Variants in HAPLN3 observed in about 807,000 individuals in gnomAD.
HAPLN3 encodes hyaluronan and proteoglycan link protein 3.
In HAPLN3, 28 loss-of-function variants were observed where a neutral mutation model predicts 28.1. The ratio of observed to expected loss-of-function variants is 1.00; its 90% CI spans 0.74 to 1.37. The LOEUF (loss-of-function observed/expected upper bound fraction) is 1.37. HAPLN3 is among the 40% of genes most tolerant of loss of function. HAPLN3 has a pLI of 0.00. For missense variants in HAPLN3, 513 were observed against 504.6 expected (o/e 1.02, Z -0.16); for synonymous variants, 211 against 213.1 (o/e 0.99, Z 0.09).
intron 2 of HAPLN3, among the ~76,000 whole-genome samples, chr15:88,882,939 A>C (rs1180805653): frequency 6.6e-6 from 1 of 152,168 alleles, no homozygotes; most frequent in Non-Finnish European, 1.5e-5. Flanking sequence ...CCAGAAGTCA[A>C]GGCTGCAGTG....
In HAPLN3 at chr15:88,879,733, C is replaced by T. The variant is rs1452296358; in HGVS notation, c.494-464G>A. The T allele has an allele frequency of 8.5e-7, 1 of 1,174,858 alleles. No homozygotes were observed. Among genetic ancestry groups the T allele is most frequent in the Non-Finnish European group, 1.1e-6 (1 of 935,324 alleles). The allele number at this position is 1,174,858 out of a possible 1,614,324, so 72.8% of individuals were successfully genotyped here. ...CTTTCCACGTGTGGCAGATGATTTTCAGGAGAAGGAGAGGCCCTAGAGGCC... is the reference window on the plus strand; with the variant it reads ...CTTTCCACGTGTGGCAGATGATTTTTAGGAGAAGGAGAGGCCCTAGAGGCC... On this transcript the variant is annotated intron_variant, in intron 3 of 4. Transcript: ENST00000359595. This position sits in a 1 kb window ranked among gnomAD's most constrained non-coding sequence, Gnocchi z 5.0.
At position 88,879,373 on chromosome 15, in the gene HAPLN3, C is replaced by T; in HGVS notation, c.494-104G>A. On this transcript the variant is annotated intron_variant, in intron 3 of 4. Coordinates refer to ENST00000359595, the MANE Select transcript of HAPLN3 (RefSeq NM_178232.4). This position sits in a 1 kb window ranked among gnomAD's most constrained non-coding sequence, Gnocchi z 5.0. ...ACTGGGACATGTGCTGCCTGCAACA[C>T]ACACACATACACCATCCCTCAGAAA... The T allele has an allele frequency of 6.4e-7, 1 of 1,564,914 alleles. No individual in the cohort carries two copies. Among genetic ancestry groups the T allele is most frequent in the African/African-American group, 1.4e-5 (1 of 74,002 alleles).
At chr15:88,894,708 G>C (rs1481393200) in intron 1 of HAPLN3, among the ~76,000 whole-genome samples, 1 of 152,200 alleles carries the variant, frequency 6.6e-6, no homozygotes, top group Non-Finnish European at 1.5e-5. Context: ...GTCCCAACAG[G>C]TTTACAGGCT....
In HAPLN3 at chr15:88,879,904, A is replaced by T; in HGVS notation, c.494-635T>A. 9.9e-7 allele frequency: 1 copy of T among 1,013,498 alleles called. No homozygotes were observed. Among genetic ancestry groups the T allele is most frequent in the Non-Finnish European group, 1.2e-6 (1 of 846,778 alleles). 62.8% of individuals were successfully genotyped at this position (1,013,498 alleles called of 1,614,324 possible). Reference sequence around the variant, plus strand: ...ATGTTCGTGTTTGAAATTTTACTCTAATAAAAAGTTTTTAAACTTCTGAGA... The same window carrying T: ...ATGTTCGTGTTTGAAATTTTACTCTTATAAAAAGTTTTTAAACTTCTGAGA... On this transcript the variant is annotated intron_variant, in intron 3 of 4. Transcript: ENST00000359595. This position sits in a 1 kb window ranked among gnomAD's most constrained non-coding sequence, Gnocchi z 5.0.
At position 88,887,793 on chromosome 15, in the gene HAPLN3, G is replaced by A. The variant is rs542612205; in HGVS notation, c.-47-448C>T. On this transcript the variant is annotated intron_variant, in intron 1 of 4. Transcript: ENST00000359595. Reference sequence around the variant, plus strand: ...AGCCTGGCCAACATGGAGAAACCCCGTCTCTACTAAAAATACAAAATTAGC... The same window carrying A: ...AGCCTGGCCAACATGGAGAAACCCCATCTCTACTAAAAATACAAAATTAGC... Among the ~76,000 whole-genome samples, 46 of 151,972 alleles carry A rather than the reference G, an allele frequency of 3.0e-4. No individual in the cohort carries two copies. In the South Asian group the frequency reaches 6.0e-3, roughly 20 times the overall value.
chr15:88,894,446 A>G (rs889156339), intron 1 of HAPLN3, among the ~76,000 whole-genome samples: 2 of 152,192 alleles, frequency 1.3e-5, no homozygotes, highest in African/African-American at 4.8e-5. Context: ...AGGTACCAGC[A>G]GGAGGCAGCA....
Position 88,879,087 on chromosome 15 carries a change from T to G in HAPLN3, c.676A>C (p.Ile226Leu). 6.2e-7 allele frequency: 1 copy of G among 1,610,728 alleles called. No homozygotes were observed. Among genetic ancestry groups the G allele is most frequent in the South Asian group, 1.1e-5 (1 of 90,754 alleles). The stretch of plus-strand genomic sequence containing the variant: ...CCGCAGGGCTGCCGGGGCAACATGA[T>G]GGGGTACTGCACCGTGGCATCCTGC... ...WLQDATVQYP[I>L]MLPRQPCGGP... is the part of the protein sequence containing the mutation. Residue 226 changes from isoleucine to leucine, a missense_variant, in exon 4 of 5, where the codon ATC (isoleucine) becomes CTC (leucine). Physicochemically the swap from Ile to Leu is conservative, Grantham distance 5. Transcript: ENST00000359595. The surrounding 1 kb of genome is among the most constrained non-coding windows in gnomAD (Gnocchi z 5.0).
At chr15:88,885,457 T>A (rs1250382542) in intron 2 of HAPLN3, among the ~76,000 whole-genome samples, 2 of 114,990 alleles carry the variant, frequency 1.7e-5, no homozygotes, top group Non-Finnish European at 3.6e-5. Context: ...TTGTTTTTTG[T>A]GTTTTTTTTT....
In HAPLN3 at chr15:88,889,343, G is replaced by GTT. The variant is rs112364208; in HGVS notation, c.-47-2000_-47-1999dup. ...CAGGCCCAGAAGCATATCCTGTTTTGTTTTTTTTTAAAGATAGAATCTCAC... is the reference window on the plus strand; with the variant it reads ...CAGGCCCAGAAGCATATCCTGTTTTGTTTTTTTTTTTAAAGATAGAATCTCAC... On this transcript the variant is annotated intron_variant, in intron 1 of 4. Transcript: ENST00000359595. 1.7e-4 allele frequency among the ~76,000 whole-genome samples: 25 copies of GTT among 151,168 alleles called. No individual in the cohort carries two copies. The Middle Eastern group carries it at 0.014, about 83-fold the overall frequency.
chr15:88,878,956 A>G lies in HAPLN3; in HGVS notation c.796+11T>C, dbSNP rs1567198892. 4 of 1,600,764 alleles carry G rather than the reference A, an allele frequency of 2.5e-6. No homozygotes were observed. The highest frequency in any genetic ancestry group is 1.7e-4 in the Middle Eastern group (1 of 6,056). ...CAAACCCACAGGCCCGCGCTTGGCT[A>G]TTCCACTCACCCTTGAGGGCAGTAG... is the stretch of plus-strand genomic sequence containing the variant. On this transcript the variant is annotated intron_variant, in intron 4 of 4. Coordinates refer to ENST00000359595, the MANE Select transcript of HAPLN3 (RefSeq NM_178232.4).
At position 88,879,069 on chromosome 15, in the gene HAPLN3, G is replaced by T; in HGVS notation, c.694C>A (p.Pro232Thr). The change falls in exon 4 of 5, where the codon CCC (proline) becomes ACC (threonine). Residue 232 changes from proline (P) to threonine (T), a missense_variant. Physicochemically the swap from Pro to Thr is conservative, Grantham distance 38 (BLOSUM62 -1). Transcript: ENST00000359595. The surrounding 1 kb of genome is among the most constrained non-coding windows in gnomAD (Gnocchi z 5.0). ...VQYPIMLPRQ[P>T]CGGPGLAPGV... ...GGTGCCAGGCCCGGGCCACCGCAGG[G>T]CTGCCGGGGCAACATGATGGGGTAC... 2 of 1,607,714 alleles carry T rather than the reference G, an allele frequency of 1.2e-6. No homozygotes were observed. The highest frequency in any genetic ancestry group is 1.7e-6 in the Non-Finnish European group (2 of 1,177,258).
At position 88,877,996 on chromosome 15, in the gene HAPLN3, C is replaced by G. The variant is rs769012368; in HGVS notation, c.1057G>C (p.Gly353Arg). The G allele has an allele frequency of 6.8e-6, 11 of 1,612,126 alleles. No homozygotes were observed. In the Admixed American group the frequency reaches 1.8e-4, roughly 27 times the overall value. The change falls in exon 5 of 5, where the codon GGT becomes CGT. Residue 353 changes from glycine (G) to arginine (R), a missense_variant. Coordinates refer to ENST00000359595, the MANE Select transcript of HAPLN3 (RefSeq NM_178232.4). This position sits in a 1 kb window ranked among gnomAD's most constrained non-coding sequence, Gnocchi z 5.1. ...GFPDPQSRLY[G>R]VYCYRQH ...TAGTGCTGGCGGTAGCAGTAAACAC[C>G]GTACAAGCGGCTCTGCGGGTCGGGG...
Position 88,880,188 on chromosome 15 carries a change from C to T in HAPLN3, c.494-919G>A. The T allele has an allele frequency of 3.0e-6, 3 of 995,086 alleles. No homozygotes were observed. Among genetic ancestry groups the T allele is most frequent in the Non-Finnish European group, 3.6e-6 (3 of 836,292 alleles). The allele number at this position is 995,086 out of a possible 1,614,324, so 61.6% of individuals were successfully genotyped here. On this transcript the variant is annotated intron_variant, in intron 3 of 4. Transcript: ENST00000359595. The surrounding 1 kb of genome is among the most constrained non-coding windows in gnomAD (Gnocchi z 6.0). ...GACTATTTCATGCCTGGTTCCACCC[C>T]AAATTCCTAGCCCTTGAAGCCCCGG...
intron 1 of HAPLN3, among the ~76,000 whole-genome samples, chr15:88,889,912 C>T (rs1219966611): frequency 6.9e-6 from 1 of 144,436 alleles, no homozygotes; most frequent in Admixed American, 7.5e-5. Context: ...TGCCTGTGTA[C>T]AGGACCCAGA....
rs1376240464 is a variant in HAPLN3 at position 88,879,216 on chromosome 15, C to T, written c.547G>A (p.Glu183Lys). The T allele has an allele frequency of 4.3e-6, 7 of 1,611,798 alleles. No individual in the cohort carries two copies. Among genetic ancestry groups the T allele is most frequent in the Admixed American group, 1.7e-5 (1 of 59,802 alleles). The change falls in exon 4 of 5, where the codon GAG becomes AAG. Residue 183 changes from glutamate to lysine, a missense_variant. Physicochemically the swap from Glu to Lys is moderately conservative, Grantham distance 56. Coordinates refer to ENST00000359595, the MANE Select transcript of HAPLN3 (RefSeq NM_178232.4). This position sits in a 1 kb window ranked among gnomAD's most constrained non-coding sequence, Gnocchi z 5.0. ...TGCTCTGCACAGACCTGCTGGCCCT[C>T]GTGGAAGTTGAACTGGTAGCGCCCG... Reference protein sequence around the residue: ...PNGRYQFNFHEGQQVCAEQAA... With the variant: ...PNGRYQFNFHKGQQVCAEQAA...
chr15:88,881,786 G>T lies in HAPLN3; in HGVS notation c.125-61C>A. The T allele has an allele frequency of 2.0e-6, 3 of 1,533,918 alleles. No homozygotes were observed. In the Admixed American group the frequency reaches 5.7e-5, roughly 29 times the overall value. ...GAAGCACATCTGTACCCCTGCAAGGGCCACCGCACACCCTCATCCACGGCT... is the reference window on the plus strand; with the variant it reads ...GAAGCACATCTGTACCCCTGCAAGGTCCACCGCACACCCTCATCCACGGCT... On this transcript the variant is annotated intron_variant, in intron 2 of 4. Transcript: ENST00000359595. The surrounding 1 kb of genome is among the most constrained non-coding windows in gnomAD (Gnocchi z 6.0).
At position 88,880,383 on chromosome 15, in the gene HAPLN3, C is replaced by T. The variant is rs185686875; in HGVS notation, c.493+974G>A. The T allele has an allele frequency of 2.2e-4, 252 of 1,128,572 alleles. No homozygotes were observed. The East Asian group carries it at 3.1e-3, about 14-fold the overall frequency. The allele number at this position is 1,128,572 out of a possible 1,614,324, so 69.9% of individuals were successfully genotyped here. A position where few individuals can be genotyped will look rare whatever the true frequency, so the allele number is the denominator to read the frequency against. ...GGACACTGGTGGCAAAGACAGAGAA[C>T]GCATTTTAAGGACATACATCTTATC... is the stretch of plus-strand genomic sequence containing the variant. On this transcript the variant is annotated intron_variant, in intron 3 of 4. Transcript: ENST00000359595. This position sits in a 1 kb window ranked among gnomAD's most constrained non-coding sequence, Gnocchi z 6.0.
Position 88,880,284 on chromosome 15 carries a change from C to G in HAPLN3, c.494-1015G>C. 9.5e-7 allele frequency: 1 copy of G among 1,055,528 alleles called. No homozygotes were observed. The highest frequency in any genetic ancestry group is 1.1e-6 in the Non-Finnish European group (1 of 870,842). The allele number at this position is 1,055,528 out of a possible 1,614,324, so 65.4% of individuals were successfully genotyped here. A position where few individuals can be genotyped will look rare whatever the true frequency, so the allele number is the denominator to read the frequency against. Reference sequence around the variant, plus strand: ...CCCAGACCAATGACTCTTGCAGGTTCTCCCCAACTCCACTGCCACCCCAAC... The same window carrying G: ...CCCAGACCAATGACTCTTGCAGGTTGTCCCCAACTCCACTGCCACCCCAAC... On this transcript the variant is annotated intron_variant, in intron 3 of 4. Coordinates refer to ENST00000359595, the MANE Select transcript of HAPLN3 (RefSeq NM_178232.4). The surrounding 1 kb of genome is among the most constrained non-coding windows in gnomAD (Gnocchi z 6.0).
Position 88,877,988 on chromosome 15 carries a change from G to A in HAPLN3, c.1065C>T (p.Tyr355=), listed in dbSNP as rs749648658. Residue 355 remains tyrosine (Y), a synonymous_variant, in exon 5 of 5, where the codon TAC becomes TAT. Transcript: ENST00000359595. This position sits in a 1 kb window ranked among gnomAD's most constrained non-coding sequence, Gnocchi z 5.1. ...CCAGGTCCTAGTGCTGGCGGTAGCA[G>A]TAAACACCGTACAAGCGGCTCTGCG... ...PDPQSRLYGV[Y]CYRQH 5.6e-6 allele frequency: 9 copies of A among 1,609,872 alleles called. No homozygotes were observed. The highest frequency in any genetic ancestry group is 7.6e-6 in the Non-Finnish European group (9 of 1,177,826).
Sources: allele counts gnomAD v4.1 joint callset (sites outside exome capture counted in the v4.1 genomes callset), GRCh38; gene constraint gnomAD v4.1.1; non-coding constraint Gnocchi (gnomAD v3.1); transcripts MANE v1.5; gene names NCBI Gene and HGNC (gene_info 2026-07-23, HGNC 2026-07-21).